Variants in ELL observed in about 807,000 individuals in gnomAD.
ELL encodes elongation factor for RNA polymerase II, also known as RNA polymerase II elongation factor ELL.
ELL carries 18 observed loss-of-function variants against 64.0 expected under a neutral mutation model. The observed-to-expected ratio is 0.28, with a 90% CI of 0.19 to 0.42. The LOEUF is 0.42. ELL is among the 10% of genes least tolerant of loss of function. The pLI is 1.00. For synonymous variants in ELL, 399 were observed against 376.2 expected, an observed-to-expected ratio of 1.06 and a Z score of -0.70; for missense variants, 797 against 870.4, an observed-to-expected ratio of 0.92 and a Z score of 1.06.
At chr19:18,510,186 G>T (rs900024570) in intron 1 of ELL, among the ~76,000 whole-genome samples, 2 of 152,216 alleles carry the variant, frequency 1.3e-5, no homozygotes, top group Non-Finnish European at 2.9e-5. Context: ...TGGCCAGCAT[G>T]GTGAAACCCC....
At chr19:18,446,173 G>T in intron 10 of ELL, 136 bp downstream of exon 10, 1 of 1,104,768 alleles carries the variant, frequency 9.1e-7, no homozygotes, top group Non-Finnish European at 1.2e-6. Flanking sequence ...TGCATGGAGT[G>T]CACCAGGGGG....
chr19:18,507,466 G>A (rs1007710676), intron 1 of ELL, among the ~76,000 whole-genome samples: 1 of 152,190 alleles, frequency 6.6e-6, no homozygotes, highest in Non-Finnish European at 1.5e-5. Flanking sequence ...CACTTGCCCC[G>A]AGCTAAGAAA....
chr19:18,509,582 T>TGTGCGCGC (rs1555739214), intron 1 of ELL, among the ~76,000 whole-genome samples: 11 of 95,534 alleles, frequency 1.2e-4, no homozygotes, highest in African/African-American at 3.8e-4. Context: ...CCAATGCACG[T>TGTGCGCGC]GCGCGCGCGC....
At chr19:18,511,258 C>T (rs1289528792) in intron 1 of ELL, among the ~76,000 whole-genome samples, 1 of 143,642 alleles carries the variant, frequency 7.0e-6, no homozygotes, top group Non-Finnish European at 1.5e-5. Flanking sequence ...CAGAGCGAAA[C>T]TCCGTCTCAA....
chr19:18,461,362 G>T (rs1974810115), intron 5 of ELL, among the ~76,000 whole-genome samples: 1 of 152,232 alleles, frequency 6.6e-6, no homozygotes, highest in Non-Finnish European at 1.5e-5. Context: ...ACCCTGGACA[G>T]TCGGGGCCAT....
chr19:18,444,504 C>A lies in ELL; in HGVS notation c.*248G>T. 1 of 456,312 alleles carries A rather than the reference C, an allele frequency of 2.2e-6. No homozygotes were observed. Among genetic ancestry groups the A allele is most frequent in the Non-Finnish European group, 3.9e-6 (1 of 255,416 alleles). 28.3% of individuals were successfully genotyped at this position (456,312 alleles called of 1,614,324 possible). A position where few individuals can be genotyped will look rare whatever the true frequency, so the allele number is the denominator to read the frequency against. The stretch of plus-strand genomic sequence containing the variant: ...ACAGGAGGCTGAACCCCGGAGGCTG[C>A]AGCCAGGGAGGAGGCAGTGGGCTTC... On this transcript the variant is annotated 3_prime_UTR_variant, in exon 12 of 12. Transcript: ENST00000262809.
At chr19:18,500,459 G>T (rs1030219701) in intron 1 of ELL, among the ~76,000 whole-genome samples, 3 of 152,182 alleles carry the variant, frequency 2.0e-5, no homozygotes, top group Admixed American at 6.5e-5. Flanking sequence ...CTGGCTGCTT[G>T]TGACATTTGA....
chr19:18,483,137 A>G (rs1354853151), intron 1 of ELL, among the ~76,000 whole-genome samples: 1 of 149,428 alleles, frequency 6.7e-6, no homozygotes, highest in Non-Finnish European at 1.5e-5. Flanking sequence ...TTCTTTACCA[A>G]CTCCCCTCTC....
intron 2 of ELL, 142 bp downstream of exon 2, chr19:18,472,693 G>A: frequency 3.0e-6 from 3 of 1,011,352 alleles, no homozygotes; most frequent in Non-Finnish European, 1.5e-6. Flanking sequence ...GCTATCCTGG[G>A]GGCCTAGAAC....
At chr19:18,479,105 G>A (rs1046635246) in intron 1 of ELL, among the ~76,000 whole-genome samples, 2 of 152,224 alleles carry the variant, frequency 1.3e-5, no homozygotes, top group African/African-American at 4.8e-5. Context: ...TTTACAGGAA[G>A]TGTGGTGGGT....
chr19:18,470,942 A>G (rs1281224421), intron 2 of ELL: 1 of 456,314 alleles, frequency 2.2e-6, no homozygotes, highest in Non-Finnish European at 4.4e-6. Context: ...CGTCTCCTAG[A>G]GGCTCCATGT....
chr19:18,484,131 G>C (rs890042299), intron 1 of ELL, among the ~76,000 whole-genome samples: 1 of 152,218 alleles, frequency 6.6e-6, no homozygotes, highest in African/African-American at 2.4e-5. Context: ...GTCTGAAACA[G>C]AGCAAATCTG....
chr19:18,461,972 C>A (rs995087498), intron 4 of ELL, 120 bp from the exon 5 acceptor site: 1 of 1,299,738 alleles, frequency 7.7e-7, no homozygotes, highest in Non-Finnish European at 1.1e-6. Flanking sequence ...AGGCACCACA[C>A]CAACCACAGC....
At chr19:18,482,585 C>T (rs1975325091) in intron 1 of ELL, among the ~76,000 whole-genome samples, 1 of 152,026 alleles carries the variant, frequency 6.6e-6, no homozygotes, top group Admixed American at 6.6e-5. Flanking sequence ...TGATTTCGGC[C>T]TCCCAAAATG....
chr19:18,493,585 A>G (rs1185641497), intron 1 of ELL, among the ~76,000 whole-genome samples: 2 of 152,250 alleles, frequency 1.3e-5, no homozygotes, highest in African/African-American at 4.8e-5. Flanking sequence ...GCAACCCGAC[A>G]GGCAAGGCAC....
intron 6 of ELL, among the ~76,000 whole-genome samples, chr19:18,458,003 G>A (rs1019398356): frequency 2.6e-5 from 4 of 152,156 alleles, no homozygotes; most frequent in African/African-American, 9.7e-5. Context: ...CTGTGAGCGT[G>A]GCCTTCCCCC....
At chr19:18,509,382 T>C (rs1025136757) in intron 1 of ELL, among the ~76,000 whole-genome samples, 1 of 151,886 alleles carries the variant, frequency 6.6e-6, no homozygotes, top group African/African-American at 2.4e-5. Context: ...CTCAGGCCTG[T>C]GGGAGGAGAC....
At chr19:18,455,164 A>G (rs1157659755) in intron 6 of ELL, among the ~76,000 whole-genome samples, 2 of 150,688 alleles carry the variant, frequency 1.3e-5, no homozygotes, top group Admixed American at 6.6e-5. Context: ...AAAGAAAGAA[A>G]GAAAGAAAAA....
intron 1 of ELL, among the ~76,000 whole-genome samples, chr19:18,485,698 C>T (rs530760074): frequency 2.0e-5 from 3 of 152,194 alleles, no homozygotes; most frequent in East Asian, 1.9e-4. Context: ...GGGAAAGCTA[C>T]GGGGATGGGC....
Sources: allele counts gnomAD v4.1 joint callset (sites outside exome capture counted in the v4.1 genomes callset), GRCh38; gene constraint gnomAD v4.1.1; transcripts MANE v1.5; gene names NCBI Gene and HGNC (gene_info 2026-07-23, HGNC 2026-07-21).